Variants in ULK4 observed in about 807,000 individuals in gnomAD.
The protein encoded by ULK4 is unc-51 like kinase 4.
Under a neutral mutation model 160.6 loss-of-function variants are expected in ULK4, and 133 were observed. The observed-to-expected ratio is 0.83, with a 90% CI of 0.72 to 0.96. ULK4 has a LOEUF of 0.96. Ranked by LOEUF, ULK4 falls within the 40% of genes least tolerant of loss-of-function variation. The pLI, the probability that ULK4 is intolerant of heterozygous loss-of-function variation, is 0.00. For synonymous variants in ULK4, 534 were observed against 539.8 expected (o/e 0.99, Z 0.15); for missense variants, 1,580 against 1,499.5 (o/e 1.05, Z -0.89).
intron 21 of ULK4, among the ~76,000 whole-genome samples, chr3:41,772,687 A>T (rs1394580239): frequency 6.6e-6 from 1 of 152,174 alleles, no homozygotes; most frequent in Non-Finnish European, 1.5e-5. Flanking sequence ...TCCAATCAAT[A>T]GAAAAAGAGG....
At chr3:41,878,576 A>C (rs897761157) in intron 17 of ULK4, among the ~76,000 whole-genome samples, 1 of 151,992 alleles carries the variant, frequency 6.6e-6, no homozygotes, top group African/African-American at 2.4e-5. Flanking sequence ...AAAACTTCCA[A>C]CTACAAATAG....
At chr3:41,825,488 C>G (rs531896961) in intron 18 of ULK4, among the ~76,000 whole-genome samples, 2 of 152,204 alleles carry the variant, frequency 1.3e-5, no homozygotes, top group Non-Finnish European at 2.9e-5. Flanking sequence ...GAGCTGAAAA[C>G]CATGGCACAA....
chr3:41,794,191 G>A (rs1423688845), intron 20 of ULK4, among the ~76,000 whole-genome samples: 1 of 152,140 alleles, frequency 6.6e-6, no homozygotes, highest in Non-Finnish European at 1.5e-5. Flanking sequence ...TGACAGGCAG[G>A]AAATACAGAC....
Position 41,715,525 on chromosome 3 carries a change from G to C in ULK4, c.2499C>G (p.His833Gln). 6.2e-7 allele frequency: 1 copy of C among 1,614,094 alleles called. No homozygotes were observed. The highest frequency in any genetic ancestry group is 1.7e-4 in the Middle Eastern group (1 of 6,060). The change falls in exon 24 of 37, where the codon CAC becomes CAG. Residue 833 changes from histidine (H) to glutamine (Q), a missense_variant. Physicochemically the swap from His to Gln is conservative, Grantham distance 24 (BLOSUM62 0). Coordinates refer to ENST00000301831, the MANE Select transcript of ULK4 (RefSeq NM_017886.4). ...NSLANVSGRK[H>Q]PSTVQVKQLK... Reference sequence around the variant, plus strand: ...GCTGTTTCACTTGAACTGTTGATGGGTGTTTACGTCCAGAAACATTAGCCA... The same window carrying C: ...GCTGTTTCACTTGAACTGTTGATGGCTGTTTACGTCCAGAAACATTAGCCA...
chr3:41,811,880 T>C (rs540491132), intron 19 of ULK4, among the ~76,000 whole-genome samples: 1 of 152,190 alleles, frequency 6.6e-6, no homozygotes, highest in African/African-American at 2.4e-5. Context: ...CTGTAATGAA[T>C]GTATTAAAGT....
At chr3:41,297,935 C>A (rs1359908289) in intron 35 of ULK4, among the ~76,000 whole-genome samples, 1 of 152,182 alleles carries the variant, frequency 6.6e-6, no homozygotes, top group Non-Finnish European at 1.5e-5. Flanking sequence ...ACTTTTAGCA[C>A]CTATAGGTCA....
chr3:41,605,426 C>T lies in ULK4; in HGVS notation c.3120+10243G>A, dbSNP rs73830292. On this transcript the variant is annotated intron_variant, in intron 31 of 36. Transcript: ENST00000301831. ...AAGGAATGGAAAAGAATATGTCTCA[C>T]ACTAACCAAAAAAAGCTGCAGTGGT... Among the ~76,000 whole-genome samples the T allele has an allele frequency of 3.3e-3, 508 of 151,750 alleles. 2 individuals are homozygous for T. Among genetic ancestry groups the T allele is most frequent in the African/African-American group, 0.012 (484 of 41,430 alleles).
intron 35 of ULK4, among the ~76,000 whole-genome samples, chr3:41,392,434 CA>C (rs1353895348): frequency 3.3e-5 from 5 of 152,130 alleles, no homozygotes; most frequent in African/African-American, 1.2e-4. Context: ...GGACTTTAAA[CA>C]GAAATGTCAA....
chr3:41,317,714 T>C (rs1213878796), intron 35 of ULK4, among the ~76,000 whole-genome samples: 1 of 152,170 alleles, frequency 6.6e-6, no homozygotes, highest in African/African-American at 2.4e-5. Context: ...TAACTCAAGA[T>C]AAATAGCTGA....
chr3:41,327,730 A>G (rs2125737214), intron 35 of ULK4, among the ~76,000 whole-genome samples: 1 of 152,312 alleles, frequency 6.6e-6, no homozygotes, highest in Middle Eastern at 3.4e-3. Flanking sequence ...GATAAGTTGT[A>G]TTTATGCGGC....
In ULK4 at chr3:41,961,550, A is replaced by ACCCCTCCC. The variant is rs57463009; in HGVS notation, c.-49+465_-49+466insGGGAGGGG. On this transcript the variant is annotated intron_variant, in intron 1 of 36. Transcript: ENST00000301831. ...ACTCAGGGGCGCTACGTAGTCACTC[A>ACCCCTCCC]CCCCCCCCCCCCCCCCCCCCGCTCC... Among the ~76,000 whole-genome samples, 104 of 124,616 alleles carry ACCCCTCCC rather than the reference A, an allele frequency of 8.3e-4. 9 individuals are homozygous for ACCCCTCCC. The highest frequency in any genetic ancestry group is 1.1e-3 in the Non-Finnish European group (71 of 63,670). The allele number at this position is 124,616 out of a possible 152,430, so 81.8% of individuals were successfully genotyped here. A position where few individuals can be genotyped will look rare whatever the true frequency, so the allele number is the denominator to read the frequency against.
At chr3:41,376,413 C>T (rs1232495342) in intron 35 of ULK4, among the ~76,000 whole-genome samples, 3 of 149,640 alleles carry the variant, frequency 2.0e-5, no homozygotes, top group South Asian at 2.2e-4. Context: ...GAAAATGTGG[C>T]GGAAAAGAGG....
chr3:41,437,568 G>A (rs563641494), intron 34 of ULK4, among the ~76,000 whole-genome samples: 2 of 152,274 alleles, frequency 1.3e-5, no homozygotes, highest in African/African-American at 4.8e-5. Context: ...TTGGTCCCCA[G>A]AGATGCAGAG....
At chr3:41,694,004 A>T (rs1285189227) in intron 27 of ULK4, among the ~76,000 whole-genome samples, 5 of 152,198 alleles carry the variant, frequency 3.3e-5, no homozygotes, top group Non-Finnish European at 5.9e-5. Flanking sequence ...AGAGGTTGGG[A>T]AGGCAAAGAA....
At chr3:41,332,298 G>T (rs1243321167) in intron 35 of ULK4, among the ~76,000 whole-genome samples, 1 of 152,088 alleles carries the variant, frequency 6.6e-6, no homozygotes, top group Non-Finnish European at 1.5e-5. Flanking sequence ...GCAGATCTGG[G>T]GCTACAATAA....
intron 35 of ULK4, among the ~76,000 whole-genome samples, chr3:41,288,776 G>A (rs2079508411): frequency 6.6e-6 from 1 of 152,216 alleles, no homozygotes; most frequent in Non-Finnish European, 1.5e-5. Context: ...AGCACTTAGT[G>A]TTCAAGAGAA....
intron 35 of ULK4, among the ~76,000 whole-genome samples, chr3:41,337,741 C>T (rs2080594094): frequency 6.6e-6 from 1 of 152,160 alleles, no homozygotes; most frequent in Admixed American, 6.5e-5. Context: ...CAGAACTAGC[C>T]TCAACCACAG....
At chr3:41,434,492 A>C (rs139358516) in intron 34 of ULK4, among the ~76,000 whole-genome samples, 1 of 152,212 alleles carries the variant, frequency 6.6e-6, no homozygotes, top group African/African-American at 2.4e-5. Context: ...GTGAGTCTGG[A>C]TAAGAGAGGA....
chr3:41,800,105 T>C (rs746865735), intron 20 of ULK4, 27 bp downstream of exon 20: 2 of 1,547,348 alleles, frequency 1.3e-6, no homozygotes, highest in Admixed American at 2.1e-5. Context: ...TACCCAGACA[T>C]ATCCCCCAAA....
Sources: gnomAD v4.1 joint callset for allele counts (sites outside exome capture counted in the v4.1 genomes callset) on GRCh38, gnomAD v4.1.1 for gene constraint, MANE v1.5 for transcripts, NCBI Gene and HGNC (gene_info 2026-07-23, HGNC 2026-07-21) for gene names.